Variants in KIF19 observed in about 807,000 individuals in gnomAD.
KIF19 encodes kinesin-like protein KIF19.
KIF19 carries 98 observed loss-of-function variants against 106.6 expected under a neutral mutation model. The ratio of observed to expected loss-of-function variants is 0.92; its 90% CI spans 0.78 to 1.09. The LOEUF (loss-of-function observed/expected upper bound fraction) is 1.09, where lower values mean the gene tolerates loss of function less well. Among genes scored for constraint, KIF19 ranks in the 50% least tolerant of loss-of-function variants. The pLI is 0.00. For missense variants in KIF19, 1,373 were observed against 1,414.3 expected (o/e 0.97, Z 0.47); for synonymous variants, 516 against 584.2 (o/e 0.88, Z 1.68).
chr17:74,337,654 GA>G (rs915231432), intron 2 of KIF19, among the ~76,000 whole-genome samples: 1 of 152,214 alleles, frequency 6.6e-6, no homozygotes, highest in African/African-American at 2.4e-5. Context: ...CTAGGAGTAG[GA>G]TTAGGTGCCT....
chr17:74,344,454 G>A, intron 6 of KIF19, 106 bp downstream of exon 6: 3 of 1,496,136 alleles, frequency 2.0e-6, no homozygotes, highest in Non-Finnish European at 2.7e-6. Context: ...CTCGGCTGAG[G>A]CTGGGACAGA....
chr17:74,336,634 C>T (rs1440356950), intron 2 of KIF19, among the ~76,000 whole-genome samples: 1 of 152,168 alleles, frequency 6.6e-6, no homozygotes, highest in East Asian at 1.9e-4. Context: ...GCGGGTACTC[C>T]CCCCAGCCAG....
intron 7 of KIF19, among the ~76,000 whole-genome samples, chr17:74,345,959 A>C (rs1450579767): frequency 1.3e-5 from 2 of 152,130 alleles, no homozygotes; most frequent in Non-Finnish European, 1.5e-5. Flanking sequence ...GCCCAAGAAA[A>C]GGAGAAGAAC....
At chr17:74,340,555 G>GCGCGCACACACACACACACA in intron 2 of KIF19, among the ~76,000 whole-genome samples, 90 of 148,302 alleles carry the variant, frequency 6.1e-4, no homozygotes, top group South Asian at 3.7e-3. Flanking sequence ...ATGCGCGCGC[G>GCGCGCACACACACACACACA]TACACACACA....
At position 74,346,652 on chromosome 17, in the gene KIF19, A is replaced by C. The variant is rs1446485479; in HGVS notation, c.924+128A>C. On this transcript the variant is annotated intron_variant, in intron 8 of 19. Transcript: ENST00000389916. The surrounding 1 kb of genome is among the most constrained non-coding windows in gnomAD (Gnocchi z 4.6). ...ACACAGCAAAATTTATTTTAGCGTAAATATGTCCCATGAAATATTTGGGAT... is the reference window on the plus strand; with the variant it reads ...ACACAGCAAAATTTATTTTAGCGTACATATGTCCCATGAAATATTTGGGAT... 2 of 807,512 alleles carry C rather than the reference A, an allele frequency of 2.5e-6. No homozygotes were observed. The highest frequency in any genetic ancestry group is 3.9e-6 in the Non-Finnish European group (2 of 514,364). The allele number at this position is 807,512 out of a possible 1,614,324, so 50.0% of individuals were successfully genotyped here.
At position 74,355,188 on chromosome 17, in the gene KIF19, G is replaced by A. The variant is rs2054845695; in HGVS notation, c.2873G>A (p.Gly958Glu). The change falls in exon 20 of 20, where the codon GGG becomes GAG. Residue 958 changes from glycine to glutamate, a missense_variant. Coordinates refer to ENST00000389916, the MANE Select transcript of KIF19 (RefSeq NM_153209.4). ...KLPPSQNTGP[G>E]DSSPLAVPPN... is the part of the protein sequence containing the mutation. ...GCCCCTTTCCCTGTTGCAGGCCCGG[G>A]GGACTCCTCACCCCTGGCTGTTCCC... 6.2e-7 allele frequency: 1 copy of A among 1,600,436 alleles called. No homozygotes were observed. Among genetic ancestry groups the A allele is most frequent in the Non-Finnish European group, 8.5e-7 (1 of 1,172,224 alleles).
rs2054606088 is a variant in KIF19 at position 74,348,806 on chromosome 17, A to T, written c.1048-378A>T. 1.3e-5 allele frequency: 3 copies of T among 227,152 alleles called. No individual in the cohort carries two copies. In the Admixed American group the frequency reaches 1.6e-4, roughly 12 times the overall value. The allele number at this position is 227,152 out of a possible 1,614,324, so 14.1% of individuals were successfully genotyped here. ...TGGGAGGACATTCCAGAAAGGTGGG[A>T]GCAGGGAGAGCACAGGTTCCAAAGG... On this transcript the variant is annotated intron_variant, in intron 9 of 19. Coordinates refer to ENST00000389916, the MANE Select transcript of KIF19 (RefSeq NM_153209.4).
At chr17:74,335,488 C>A (rs1005481607) in intron 2 of KIF19, among the ~76,000 whole-genome samples, 5 of 152,266 alleles carry the variant, frequency 3.3e-5, no homozygotes. Flanking sequence ...GACCTCCTCT[C>A]CCTGGCCTGA....
rs2054541800 is a variant in KIF19 at position 74,346,741 on chromosome 17, T to G, written c.924+217T>G. ...TCAAATTTAACTGGGTATCCTGTATTTTATCTGACGACCCTAACCAAAGGC... is the reference window on the plus strand; with the variant it reads ...TCAAATTTAACTGGGTATCCTGTATGTTATCTGACGACCCTAACCAAAGGC... On this transcript the variant is annotated intron_variant, in intron 8 of 19. Transcript: ENST00000389916. The surrounding 1 kb of genome is among the most constrained non-coding windows in gnomAD (Gnocchi z 4.6). Among the ~76,000 whole-genome samples, 1 of 152,200 alleles carries G rather than the reference T, an allele frequency of 6.6e-6. No homozygotes were observed. Among genetic ancestry groups the G allele is most frequent in the Non-Finnish European group, 1.5e-5 (1 of 68,036 alleles).
intron 9 of KIF19, 74 bp from the exon 10 acceptor site, chr17:74,349,110 G>A: frequency 6.6e-7 from 1 of 1,504,964 alleles, no homozygotes; most frequent in Non-Finnish European, 9.2e-7. Context: ...GGGGAAGAAA[G>A]GCCCTGCAGG....
chr17:74,337,928 G>A (rs956348633), intron 2 of KIF19, among the ~76,000 whole-genome samples: 1 of 152,256 alleles, frequency 6.6e-6, no homozygotes, highest in African/African-American at 2.4e-5. Context: ...TGCTCTCGAG[G>A]GTGGGGCGGG....
At position 74,350,261 on chromosome 17, in the gene KIF19, G is replaced by A. The variant is rs916115121; in HGVS notation, c.1214-140G>A. 15 of 735,858 alleles carry A rather than the reference G, an allele frequency of 2.0e-5. No homozygotes were observed. In the East Asian group the frequency reaches 3.8e-4, roughly 19 times the overall value. 45.6% of individuals were successfully genotyped at this position (735,858 alleles called of 1,614,324 possible). ...CTGGGAGGATGTAGTAATCTAGGGG[G>A]TCTTCCTGGAGGAAGCAGTTGGACA... On this transcript the variant is annotated intron_variant, in intron 10 of 19. Transcript: ENST00000389916.
intron 2 of KIF19, chr17:74,328,780 AC>A (rs1483172035): frequency 6.1e-6 from 2 of 327,658 alleles, no homozygotes; most frequent in African/African-American, 4.3e-5. Context: ...TGACTTTCCC[AC>A]CCTAATATGC....
chr17:74,335,500 G>A (rs1253714890), intron 2 of KIF19, among the ~76,000 whole-genome samples: 2 of 152,244 alleles, frequency 1.3e-5, no homozygotes, highest in African/African-American at 2.4e-5. Context: ...CTGGCCTGAG[G>A]CCCCCACTTC....
rs928842504 is a variant in KIF19 at position 74,327,700 on chromosome 17, T to A, written c.40-725T>A. ...GTTGGCCAGGCTGGTCTCGAACTCCTGACCTCAGGATCCGCCCACCTCGGC... is the reference window on the plus strand; with the variant it reads ...GTTGGCCAGGCTGGTCTCGAACTCCAGACCTCAGGATCCGCCCACCTCGGC... On this transcript the variant is annotated intron_variant, in intron 1 of 19. Coordinates refer to ENST00000389916, the MANE Select transcript of KIF19 (RefSeq NM_153209.4). 2.6e-5 allele frequency among the ~76,000 whole-genome samples: 4 copies of A among 152,182 alleles called. No individual in the cohort carries two copies. In the South Asian group the frequency reaches 6.2e-4, roughly 24 times the overall value.
intron 5 of KIF19, 40 bp downstream of exon 5, chr17:74,343,200 C>T (rs2144254299): frequency 6.2e-7 from 1 of 1,600,334 alleles, no homozygotes; most frequent in Admixed American, 1.7e-5. Flanking sequence ...GCTGGCCTCC[C>T]TCCCTGGGGC....
rs1298782744 is a variant in KIF19, at chr17:74,331,454, A to T, written c.120+2949A>T. ...GTCTAGGCATTGTTCTCCTGGGGAC[A>T]CTTCAAATGAAGGAGATTGTGGCAA... On this transcript the variant is annotated intron_variant, in intron 2 of 19. Coordinates refer to ENST00000389916, the MANE Select transcript of KIF19 (RefSeq NM_153209.4). This position sits in a 1 kb window ranked among gnomAD's most constrained non-coding sequence, Gnocchi z 4.1. Among the ~76,000 whole-genome samples, 1 of 152,128 alleles carries T rather than the reference A, an allele frequency of 6.6e-6. No homozygotes were observed.
rs2054465179 is a variant in KIF19 at position 74,344,231 on chromosome 17, T to C, written c.465T>C (p.Asn155=). ...EVSMSYLEIY[N]EMIRDLLNPS... ...CCCACCTGTCCCGTCAGATCTACAA[T>C]GAGATGATCCGGGACCTGCTGAACC... is the stretch of plus-strand genomic sequence containing the variant. The change falls in exon 6 of 20, where the codon AAT becomes AAC. Residue 155 remains asparagine (N), a synonymous_variant. Coordinates refer to ENST00000389916, the MANE Select transcript of KIF19 (RefSeq NM_153209.4). 6.3e-7 allele frequency: 1 copy of C among 1,579,864 alleles called. No homozygotes were observed. The highest frequency in any genetic ancestry group is 8.7e-7 in the Non-Finnish European group (1 of 1,153,504).
chr17:74,335,567 A>G (rs967528870), intron 2 of KIF19, among the ~76,000 whole-genome samples: 9 of 152,240 alleles, frequency 5.9e-5, no homozygotes, highest in African/African-American at 2.2e-4. Context: ...GGAACTCTGG[A>G]AAGGTCAAAA....
Sources: gnomAD v4.1 joint callset for allele counts (sites outside exome capture counted in the v4.1 genomes callset) on GRCh38, gnomAD v4.1.1 for gene constraint, Gnocchi (gnomAD v3.1) non-coding constraint, MANE v1.5 for transcripts, NCBI Gene and HGNC (gene_info 2026-07-23, HGNC 2026-07-21) for gene names.